The following MEX3A variants were observed in gnomAD, a reference collection of about 807,000 sequenced individuals.
The protein encoded by MEX3A is mex-3 RNA binding family member A, also known as RNA-binding protein MEX3A.
In MEX3A, 4 loss-of-function variants were observed where a neutral mutation model predicts 30.0. That is an observed-to-expected ratio of 0.13 (90% CI 0.07 to 0.30). The LOEUF is 0.30. MEX3A is among the 10% of genes least tolerant of loss of function. The pLI, the probability that MEX3A is intolerant of heterozygous loss-of-function variation, is 1.00. For missense variants in MEX3A, 555 were observed against 736.7 expected, an observed-to-expected ratio of 0.75 and a Z score of 2.86; for synonymous variants, 335 against 327.6, an observed-to-expected ratio of 1.02 and a Z score of -0.24.
At position 156,073,130 on chromosome 1, in the gene MEX3A, A is replaced by G. The variant is rs1647964481; in HGVS notation, c.*3444T>C. ...ATCTGTAGAGAAGTGGACCGAGGTC[A>G]CACTTCAAGAAGGACTTCCTCAGTT... On this transcript the variant is annotated 3_prime_UTR_variant, in exon 2 of 2. Transcript: ENST00000532414. 6.5e-6 allele frequency: 1 copy of G among 152,778 alleles called. No individual in the cohort carries two copies. The highest frequency in any genetic ancestry group is 1.5e-5 in the Non-Finnish European group (1 of 68,066). The allele number at this position is 152,778 out of a possible 1,614,324, so 9.5% of individuals were successfully genotyped here.
Position 156,073,669 on chromosome 1 carries a change from T to C in MEX3A, c.*2905A>G, listed in dbSNP as rs1647976624. The C allele has an allele frequency of 1.3e-5, 2 of 151,950 alleles. No individual in the cohort carries two copies. The highest frequency in any genetic ancestry group is 4.8e-5 in the African/African-American group (2 of 41,418). The allele number at this position is 151,950 out of a possible 1,614,324, so 9.4% of individuals were successfully genotyped here. ...TTGAATTATTATTATTAATAATTAT[T>C]ATTTTGTAGTATTCTTTTCTTTTAA... On this transcript the variant is annotated 3_prime_UTR_variant, in exon 2 of 2. Transcript: ENST00000532414.
Position 156,077,220 on chromosome 1 carries a change from G to T in MEX3A, c.917C>A (p.Ala306Glu). Reference protein sequence around the residue: ...LEYNNENDFLAGSPDAAIDSR... With the variant: ...LEYNNENDFLEGSPDAAIDSR... ...ATCGATTGCTGCGTCGGGGCTCCCC[G>T]CCAGGAAGTCGTTTTCATTGTTGTA... The change falls in exon 2 of 2, where the codon GCG becomes GAG. Residue 306 changes from alanine (A) to glutamate (E), a missense_variant. Coordinates refer to ENST00000532414, the MANE Select transcript of MEX3A (RefSeq NM_001093725.2). The surrounding 1 kb of genome is among the most constrained non-coding windows in gnomAD (Gnocchi z 8.3). 1.9e-6 allele frequency: 3 copies of T among 1,613,576 alleles called. No individual in the cohort carries two copies. The highest frequency in any genetic ancestry group is 1.1e-5 in the South Asian group (1 of 91,090).
intron 1 of MEX3A, among the ~76,000 whole-genome samples, chr1:156,079,516 C>T (rs1308887280): frequency 2.6e-5 from 4 of 152,100 alleles, no homozygotes; most frequent in African/African-American, 9.7e-5. Flanking sequence ...ACACCCTACA[C>T]CCTCCCCTCA....
rs749148529 is a variant in MEX3A, at chr1:156,081,836, C to T, written c.163G>A (p.Ala55Thr). The T allele has an allele frequency of 3.7e-6, 5 of 1,361,040 alleles. No individual in the cohort carries two copies. In the East Asian group the frequency reaches 1.1e-4, roughly 29 times the overall value. The allele number at this position is 1,361,040 out of a possible 1,614,324, so 84.3% of individuals were successfully genotyped here. A position where few individuals can be genotyped will look rare whatever the true frequency, so the allele number is the denominator to read the frequency against. Residue 55 changes from alanine to threonine, a missense_variant, in exon 1 of 2, where the codon GCC becomes ACC. Physicochemically the swap from Ala to Thr is moderately conservative, Grantham distance 58 (BLOSUM62 0). Coordinates refer to ENST00000532414, the MANE Select transcript of MEX3A (RefSeq NM_001093725.2). Reference protein sequence around the residue: ...LCLLGLGEPPAPTAGEDGGGG... With the variant: ...LCLLGLGEPPTPTAGEDGGGG... ...CCCCCGTCCTCGCCCGCCGTGGGGG[C>T]GGGGGGCTCCCCCAAACCCAGGAGG...
chr1:156,080,821 C>G (rs1026509052), intron 1 of MEX3A, among the ~76,000 whole-genome samples: 1 of 151,922 alleles, frequency 6.6e-6, no homozygotes, highest in African/African-American at 2.4e-5. Flanking sequence ...CCAGAGACCC[C>G]TCTCTAGGCC....
In MEX3A at chr1:156,077,095, C is replaced by A; in HGVS notation, c.1042G>T (p.Asp348Tyr). The part of the protein sequence containing the change: ...SLGCIGECGV[D>Y]SGFEAPRLGE... ...AGGCGTGGGGCCTCAAAGCCAGAGT[C>A]CACTCCGCACTCGCCGATGCAGCCC... Residue 348 changes from aspartate to tyrosine, a missense_variant, in exon 2 of 2, where the codon GAC (aspartate) becomes TAC (tyrosine). By Grantham distance (160) the Asp-to-Tyr change is radical. Coordinates refer to ENST00000532414, the MANE Select transcript of MEX3A (RefSeq NM_001093725.2). The surrounding 1 kb of genome is among the most constrained non-coding windows in gnomAD (Gnocchi z 8.3). 1 of 1,613,914 alleles carries A rather than the reference C, an allele frequency of 6.2e-7. No individual in the cohort carries two copies. The highest frequency in any genetic ancestry group is 1.1e-5 in the South Asian group (1 of 91,088).
At position 156,076,893 on chromosome 1, in the gene MEX3A, G is replaced by T. The variant is rs747246925; in HGVS notation, c.1244C>A (p.Ser415Tyr). 6.4e-7 allele frequency: 1 copy of T among 1,554,566 alleles called. No homozygotes were observed. Among genetic ancestry groups the T allele is most frequent in the Non-Finnish European group, 8.7e-7 (1 of 1,150,032 alleles). ...CGGGGGCCCAGCGCGGGCCTTGGCG[G>T]AAGAGGAGGAGGAGGAGGAGGCAGA... ...FSSASSSSSS[S>Y]AKARAGPPGA... The change falls in exon 2 of 2, where the codon TCC (serine) becomes TAC (tyrosine). Residue 415 changes from serine (S) to tyrosine (Y), a missense_variant. Coordinates refer to ENST00000532414, the MANE Select transcript of MEX3A (RefSeq NM_001093725.2). The surrounding 1 kb of genome is among the most constrained non-coding windows in gnomAD (Gnocchi z 6.0).
In MEX3A at chr1:156,081,810, T is replaced by G; in HGVS notation, c.189A>C (p.Gly63=). The change falls in exon 1 of 2, where the codon GGA becomes GGC. Residue 63 remains glycine, a synonymous_variant. Coordinates refer to ENST00000532414, the MANE Select transcript of MEX3A (RefSeq NM_001093725.2). ...PPAPTAGEDG[G]GGGGGAPAQP... is the part of the protein sequence containing the mutation. ...GCGCGGGGGCGCCGCCCCCCCCACC[T>G]CCCCCGTCCTCGCCCGCCGTGGGGG... The G allele has an allele frequency of 2.6e-6, 2 of 764,532 alleles. No individual in the cohort carries two copies. Among genetic ancestry groups the G allele is most frequent in the Non-Finnish European group, 1.7e-6 (1 of 586,522 alleles). 47.4% of individuals were successfully genotyped at this position (764,532 alleles called of 1,614,324 possible). A position where few individuals can be genotyped will look rare whatever the true frequency, so the allele number is the denominator to read the frequency against.
chr1:156,081,822 G>A lies in MEX3A; in HGVS notation c.177C>T (p.Gly59=). The change falls in exon 1 of 2, where the codon GGC becomes GGT. Residue 59 remains glycine, a synonymous_variant. Coordinates refer to ENST00000532414, the MANE Select transcript of MEX3A (RefSeq NM_001093725.2). ...GLGEPPAPTA[G]EDGGGGGGGA... The stretch of plus-strand genomic sequence containing the variant: ...CGCCCCCCCCACCTCCCCCGTCCTC[G>A]CCCGCCGTGGGGGCGGGGGGCTCCC... 1.6e-6 allele frequency: 2 copies of A among 1,281,880 alleles called. No individual in the cohort carries two copies. Among genetic ancestry groups the A allele is most frequent in the Non-Finnish European group, 1.0e-6 (1 of 990,142 alleles). The allele number at this position is 1,281,880 out of a possible 1,614,324, so 79.4% of individuals were successfully genotyped here.
rs755380923 is a variant in MEX3A, at chr1:156,076,878, G to T, written c.1259C>A (p.Ala420Asp). 17 of 1,541,184 alleles carry T rather than the reference G, an allele frequency of 1.1e-5. No homozygotes were observed. The highest frequency in any genetic ancestry group is 1.5e-5 in the Non-Finnish European group (17 of 1,143,396). ...SSSSSSAKAR[A>D]GPPGAHRSPA... is the part of the protein sequence containing the mutation. Reference sequence around the variant, plus strand: ...GGAGCGGTGTGCGCCCGGGGGCCCAGCGCGGGCCTTGGCGGAAGAGGAGGA... The same window carrying T: ...GGAGCGGTGTGCGCCCGGGGGCCCATCGCGGGCCTTGGCGGAAGAGGAGGA... Residue 420 changes from alanine (A) to aspartate (D), a missense_variant, in exon 2 of 2, where the codon GCT (alanine) becomes GAT (aspartate). By Grantham distance (126) the Ala-to-Asp change is moderately radical. Transcript: ENST00000532414. This position sits in a 1 kb window ranked among gnomAD's most constrained non-coding sequence, Gnocchi z 6.0.
chr1:156,081,806 CA>C lies in MEX3A; in HGVS notation c.192del (p.Gly67AlafsTer60). Reference protein sequence around the residue: ...PAPTAGEDGGGGGGGAPAQPA... With the variant: ...PAPTAGEDGGXGGGGAPAQPA... ...GGCTGCGCGGGGGCGCCGCCCCCCC[CA>C]CCTCCCCCGTCCTCGCCCGCCGTGG... On this transcript the variant is annotated frameshift_variant, in exon 1 of 2. Coordinates refer to ENST00000532414, the MANE Select transcript of MEX3A (RefSeq NM_001093725.2). LOFTEE classifies it high-confidence loss of function. 1 of 1,205,352 alleles carries C rather than the reference CA, an allele frequency of 8.3e-7. No individual in the cohort carries two copies. Among genetic ancestry groups the C allele is most frequent in the Non-Finnish European group, 1.1e-6 (1 of 946,440 alleles). The allele number at this position is 1,205,352 out of a possible 1,614,324, so 74.7% of individuals were successfully genotyped here.
Position 156,076,564 on chromosome 1 carries a change from G to C in MEX3A, c.*10C>G. The C allele has an allele frequency of 6.2e-7, 1 of 1,602,390 alleles. No individual in the cohort carries two copies. Among genetic ancestry groups the C allele is most frequent in the Admixed American group, 1.7e-5 (1 of 59,558 alleles). On this transcript the variant is annotated 3_prime_UTR_variant, in exon 2 of 2. Transcript: ENST00000532414. The surrounding 1 kb of genome is among the most constrained non-coding windows in gnomAD (Gnocchi z 6.0). ...AGTGGAGTGGGCCCCGGAGGCATGG[G>C]GCACGGGGCTTAGGAGAATATTCGG... is the stretch of plus-strand genomic sequence containing the variant.
chr1:156,078,441 CT>C (rs2102777294), intron 1 of MEX3A, among the ~76,000 whole-genome samples: 1 of 152,276 alleles, frequency 6.6e-6, no homozygotes, highest in African/African-American at 2.4e-5. Flanking sequence ...TCTTGTCCCC[CT>C]GTCCCCTGGG....
rs1442935194 is a variant in MEX3A, at chr1:156,076,712, G to T, written c.1425C>A (p.Ser475Arg). 6.2e-7 allele frequency: 1 copy of T among 1,613,366 alleles called. No homozygotes were observed. The highest frequency in any genetic ancestry group is 1.1e-5 in the South Asian group (1 of 90,966). The change falls in exon 2 of 2, where the codon AGC becomes AGA. Residue 475 changes from serine to arginine, a missense_variant. Physicochemically the swap from Ser to Arg is moderately radical, Grantham distance 110. Transcript: ENST00000532414. This position sits in a 1 kb window ranked among gnomAD's most constrained non-coding sequence, Gnocchi z 6.0. ...GGRDCMVCFE[S>R]EVTAALVPCG... ...AGGGCACAAGGGCGGCAGTCACTTCGCTCTCAAAGCAGACCATGCAATCCC... is the reference window on the plus strand; with the variant it reads ...AGGGCACAAGGGCGGCAGTCACTTCTCTCTCAAAGCAGACCATGCAATCCC...
In MEX3A at chr1:156,076,751, G is replaced by C. The variant is rs1240754122; in HGVS notation, c.1386C>G (p.Ser462Arg). Residue 462 changes from serine to arginine, a missense_variant, in exon 2 of 2, where the codon AGC becomes AGG. Physicochemically the swap from Ser to Arg is moderately radical, Grantham distance 110 (BLOSUM62 -1). This residue lies in a region of MEX3A where 281 missense variants were observed against 265.1 expected (regional missense o/e 1.06). Coordinates refer to ENST00000532414, the MANE Select transcript of MEX3A (RefSeq NM_001093725.2). This position sits in a 1 kb window ranked among gnomAD's most constrained non-coding sequence, Gnocchi z 6.0. ...FSKLGGGGLR[S>R]PGGGRDCMVC... The stretch of plus-strand genomic sequence containing the variant: ...CCATGCAATCCCGCCCGCCGCCGGG[G>C]CTCCGCAGGCCGCCCCCACCAAGTT... 1 of 1,602,690 alleles carries C rather than the reference G, an allele frequency of 6.2e-7. No individual in the cohort carries two copies. The highest frequency in any genetic ancestry group is 1.3e-5 in the African/African-American group (1 of 74,756).
chr1:156,079,690 C>T (rs1203703665), intron 1 of MEX3A, among the ~76,000 whole-genome samples: 1 of 152,148 alleles, frequency 6.6e-6, no homozygotes, highest in Admixed American at 6.5e-5. Flanking sequence ...AAACAGTGAA[C>T]TCCCCTCTCC....
Position 156,081,512 on chromosome 1 carries a change from A to T in MEX3A, c.454+33T>A, listed in dbSNP as rs772726396. 3 of 1,572,516 alleles carry T rather than the reference A, an allele frequency of 1.9e-6. No homozygotes were observed. In the Admixed American group the frequency reaches 5.1e-5, roughly 27 times the overall value. ...CTAGGGACGAGGGTGCCCCCACTAC[A>T]GTCCCTCTCAGTGGTCCCGGCGCCC... On this transcript the variant is annotated intron_variant, in intron 1 of 1. Transcript: ENST00000532414.
chr1:156,081,928 C>G lies in MEX3A; in HGVS notation c.71G>C (p.Gly24Ala). The change falls in exon 1 of 2, where the codon GGA (glycine) becomes GCA (alanine). Residue 24 changes from glycine (G) to alanine (A), a missense_variant. Physicochemically the swap from Gly to Ala is moderately conservative, Grantham distance 60. Around this residue, in one of 6 missense-constraint regions of MEX3A, gnomAD observed 159 missense variants for 159.9 expected, o/e 0.99. Transcript: ENST00000532414. ...CAGCAGCCCTCGGTCCTTAGCGCTT[C>G]CCCCGAAACATCCTAGTTCTCCAAA... ...GGFGELGCFG[G>A]SAKDRGLLED... is the part of the protein sequence containing the mutation. 1 of 1,537,290 alleles carries G rather than the reference C, an allele frequency of 6.5e-7. No homozygotes were observed. The highest frequency in any genetic ancestry group is 8.8e-7 in the Non-Finnish European group (1 of 1,140,450).
intron 1 of MEX3A, among the ~76,000 whole-genome samples, chr1:156,080,654 G>A (rs1224237543): frequency 6.6e-6 from 1 of 152,086 alleles, no homozygotes; most frequent in East Asian, 1.9e-4. Flanking sequence ...ACCCAGGGAT[G>A]CTGGAGCAGC....
Sources: allele counts gnomAD v4.1 joint callset (sites outside exome capture counted in the v4.1 genomes callset), GRCh38; gene constraint gnomAD v4.1.1; regional missense constraint gnomAD v4.1.1; non-coding constraint Gnocchi (gnomAD v3.1); transcripts MANE v1.5; gene names NCBI Gene and HGNC (gene_info 2026-07-23, HGNC 2026-07-21).